The following LIMCH1 variants were observed in gnomAD, a reference collection of about 807,000 sequenced individuals.
The protein encoded by LIMCH1 is LIM and calponin homology domains 1, also known as LIM and calponin homology domains-containing protein 1.
LIMCH1 carries 113 observed loss-of-function variants against 176.5 expected under a neutral mutation model. The ratio of observed to expected loss-of-function variants is 0.64; its 90% CI spans 0.55 to 0.75. The LOEUF (loss-of-function observed/expected upper bound fraction) is 0.75, where lower values mean the gene tolerates loss of function less well. Among genes scored for constraint, LIMCH1 ranks in the 30% least tolerant of loss-of-function variants. The probability of loss-of-function intolerance (pLI) is 0.00; values close to 1 mark genes in which losing one functional copy is unlikely to be tolerated. For missense variants in LIMCH1, 1,674 were observed against 1,814.9 expected (o/e 0.92, Z 1.41); for synonymous variants, 619 against 645.9 (o/e 0.96, Z 0.63).
chr4:41,419,592 T>TTCCG lies in LIMCH1; in HGVS notation c.96+58659_96+58660insGTCC, dbSNP rs2060297014. ...CTTCCTTCCTTCCTTCCTTCCTTCC[T>TTCCG]TCCTTCCTTCCGTCCTTCCTTCCTT... On this transcript the variant is annotated intron_variant, in intron 1 of 26. Transcript: ENST00000313860. Among the ~76,000 whole-genome samples, 3 of 90,220 alleles carry TTCCG rather than the reference T, an allele frequency of 3.3e-5. No individual in the cohort carries two copies. The East Asian group carries it at 8.9e-4, about 27-fold the overall frequency. 59.2% of individuals were successfully genotyped at this position (90,220 alleles called of 152,430 possible).
chr4:41,493,506 T>C (rs1029593736), intron 1 of LIMCH1, among the ~76,000 whole-genome samples: 2 of 151,934 alleles, frequency 1.3e-5, no homozygotes, highest in Admixed American at 1.3e-4. Context: ...CAATACAGTG[T>C]AACAACTGTT....
chr4:41,686,574 A>G (rs1720942974), intron 28 of LIMCH1, among the ~76,000 whole-genome samples: 1 of 152,176 alleles, frequency 6.6e-6, no homozygotes, highest in South Asian at 2.1e-4. Context: ...CAATCATTCT[A>G]CCTAGAGCCA....
At chr4:41,448,274 T>C (rs2063485390) in intron 1 of LIMCH1, among the ~76,000 whole-genome samples, 1 of 152,230 alleles carries the variant, frequency 6.6e-6, no homozygotes, top group Non-Finnish European at 1.5e-5. Context: ...CGCTTTAGGT[T>C]GGTGGGACCA....
chr4:41,427,507 G>A (rs1454326152), intron 1 of LIMCH1, among the ~76,000 whole-genome samples: 2 of 152,108 alleles, frequency 1.3e-5, no homozygotes, highest in Non-Finnish European at 2.9e-5. Flanking sequence ...ACTTGGTTCC[G>A]AGCAGTGACC....
At chr4:41,643,142 G>A (rs2093906036) in intron 14 of LIMCH1, among the ~76,000 whole-genome samples, 1 of 152,204 alleles carries the variant, frequency 6.6e-6, no homozygotes, top group African/African-American at 2.4e-5. Context: ...TTCCTTTTGA[G>A]TGGATTGAAG....
chr4:41,681,181 G>T, intron 25 of LIMCH1, 122 bp downstream of exon 25: 1 of 568,514 alleles, frequency 1.8e-6, no homozygotes, highest in Non-Finnish European at 3.2e-6. Context: ...TATTCCCCTA[G>T]AATCACGTCA....
chr4:41,395,075 C>G (rs905970103), intron 1 of LIMCH1, among the ~76,000 whole-genome samples: 3 of 152,098 alleles, frequency 2.0e-5, no homozygotes, highest in African/African-American at 7.2e-5. Flanking sequence ...GGAAAGAGAA[C>G]AGGCTTGTCT....
At position 41,697,364 on chromosome 4, in the gene LIMCH1, GT is replaced by G. The variant is rs927256374; in HGVS notation, c.*183del. On this transcript the variant is annotated 3_prime_UTR_variant, in exon 32 of 32. Coordinates refer to ENST00000503057, the MANE Select transcript of LIMCH1 (RefSeq NM_001330672.2). ...AGTGTTTATGTTTTTCCTGTTTATT[GT>G]TTTGGTTTTTTTTTTTTTTTTGCAT... 37 of 425,024 alleles carry G rather than the reference GT, an allele frequency of 8.7e-5. No individual in the cohort carries two copies. Among genetic ancestry groups the G allele is most frequent in the African/African-American group, 8.5e-4 (36 of 42,306 alleles). The allele number at this position is 425,024 out of a possible 1,614,324, so 26.3% of individuals were successfully genotyped here.
chr4:41,646,363 G>C, intron 16 of LIMCH1, 83 bp downstream of exon 16: 1 of 1,513,138 alleles, frequency 6.6e-7, no homozygotes, highest in South Asian at 1.3e-5. Flanking sequence ...TGTCACAAAG[G>C]TTCTGATAGT....
At chr4:41,413,769 C>T (rs1453599689) in intron 1 of LIMCH1, among the ~76,000 whole-genome samples, 1 of 151,974 alleles carries the variant, frequency 6.6e-6, no homozygotes, top group Non-Finnish European at 1.5e-5. Flanking sequence ...TGGTTAATGT[C>T]CAGATCAGTT....
intron 1 of LIMCH1, among the ~76,000 whole-genome samples, chr4:41,561,091 C>G (rs1213815010): frequency 6.6e-6 from 1 of 152,186 alleles, no homozygotes; most frequent in Non-Finnish European, 1.5e-5. Flanking sequence ...GTTTCTGACC[C>G]ATGAGAAGCC....
rs781097418 is a variant in LIMCH1 at position 41,613,118 on chromosome 4, G to A, written c.10-348G>A. ...GTCAAGGTTAAGGTTTTGGTTTTTC[G>A]TTTTTGTTTTGAACTATCATTGTAC... On this transcript the variant is annotated intron_variant, in intron 4 of 31. Transcript: ENST00000503057. 4.9e-5 allele frequency: 76 copies of A among 1,548,574 alleles called. 2 individuals carry two copies. The South Asian group carries it at 6.3e-4, about 13-fold the overall frequency.
At chr4:41,371,326 G>A (rs908495411) in intron 1 of LIMCH1, among the ~76,000 whole-genome samples, 3 of 152,142 alleles carry the variant, frequency 2.0e-5, no homozygotes, top group Admixed American at 6.5e-5. Flanking sequence ...CTTTCAATAT[G>A]TTTTAAAAGA....
intron 2 of LIMCH1, among the ~76,000 whole-genome samples, chr4:41,521,917 T>C (rs1226521620): frequency 6.6e-6 from 1 of 152,112 alleles, no homozygotes; most frequent in Non-Finnish European, 1.5e-5. Flanking sequence ...CATGAAATAT[T>C]AAAAACAGCT....
chr4:41,401,059 G>C (rs892964309), intron 1 of LIMCH1, among the ~76,000 whole-genome samples: 1 of 152,094 alleles, frequency 6.6e-6, no homozygotes. Flanking sequence ...GTCAATTTTG[G>C]CTTTTGTTGC....
chr4:41,568,540 G>A (rs1265163862), intron 1 of LIMCH1, among the ~76,000 whole-genome samples: 5 of 152,148 alleles, frequency 3.3e-5, no homozygotes, highest in Admixed American at 6.5e-5. Flanking sequence ...AAACTAATGC[G>A]AGAAAAATAC....
At chr4:41,696,083 T>C (rs1730443829) in intron 31 of LIMCH1, among the ~76,000 whole-genome samples, 1 of 152,218 alleles carries the variant, frequency 6.6e-6, no homozygotes, top group Non-Finnish European at 1.5e-5. Context: ...ATAATCCTAT[T>C]TTCTCCAAGT....
chr4:41,585,543 G>T (rs2086288634), intron 1 of LIMCH1, among the ~76,000 whole-genome samples: 1 of 152,088 alleles, frequency 6.6e-6, no homozygotes, highest in African/African-American at 2.4e-5. Flanking sequence ...GTTATTTTGG[G>T]CATATACCTA....
chr4:41,606,046 G>T, intron 4 of LIMCH1, 42 bp downstream of exon 4: 1 of 1,379,822 alleles, frequency 7.2e-7, no homozygotes, highest in South Asian at 1.2e-5. Context: ...CGTTAGACAA[G>T]GTGGGAAAGC....
Sources: gnomAD v4.1 joint callset for allele counts (sites outside exome capture counted in the v4.1 genomes callset) on GRCh38, gnomAD v4.1.1 for gene constraint, MANE v1.5 for transcripts, NCBI Gene and HGNC (gene_info 2026-07-23, HGNC 2026-07-21) for gene names.